The following R3HDM4 variants were observed in gnomAD, a reference collection of about 807,000 sequenced individuals.
The protein encoded by R3HDM4 is R3H domain-containing protein 4.
Under a neutral mutation model 31.3 loss-of-function variants are expected in R3HDM4, and 30 were observed. The ratio of observed to expected loss-of-function variants is 0.96; its 90% CI spans 0.72 to 1.30. The LOEUF (loss-of-function observed/expected upper bound fraction) is 1.30. Among genes scored for constraint, R3HDM4 ranks in the 50% most tolerant of loss-of-function variants. The pLI, the probability that R3HDM4 is intolerant of heterozygous loss-of-function variation, is 0.00. For missense variants in R3HDM4, 444 were observed against 366.1 expected (o/e 1.21, Z -1.74); for synonymous variants, 196 against 156.6 (o/e 1.25, Z -1.88).
intron 1 of R3HDM4, 79 bp from the exon 2 acceptor site, chr19:902,209 C>T: frequency 6.5e-7 from 1 of 1,537,966 alleles, no homozygotes; most frequent in Non-Finnish European, 8.9e-7. Context: ...CAGCCATGGC[C>T]CGCTTGGTTT....
chr19:899,826 T>TG lies in R3HDM4; in HGVS notation c.562-141dup, dbSNP rs2036801831. On this transcript the variant is annotated intron_variant, in intron 5 of 7. Coordinates refer to ENST00000361574, the MANE Select transcript of R3HDM4 (RefSeq NM_138774.4). The surrounding 1 kb of genome is among the most constrained non-coding windows in gnomAD (Gnocchi z 6.8). ...CCACGTGAGGCTGCTTAAGTGTCTC[T>TG]GAGGCCACCATGCCACCTCCTGCCT... 1.3e-6 allele frequency: 1 copy of TG among 778,222 alleles called. No individual in the cohort carries two copies. Among genetic ancestry groups the TG allele is most frequent in the Non-Finnish European group, 2.0e-6 (1 of 491,362 alleles). The allele number at this position is 778,222 out of a possible 1,614,324, so 48.2% of individuals were successfully genotyped here.
In R3HDM4 at chr19:899,329, TTCCCCACC is replaced by T; in HGVS notation, c.703+103_703+110del. The T allele has an allele frequency of 5.6e-6, 4 of 716,306 alleles. No individual in the cohort carries two copies. The highest frequency in any genetic ancestry group is 2.2e-5 in the Admixed American group (1 of 46,370). 44.4% of individuals were successfully genotyped at this position (716,306 alleles called of 1,614,324 possible). Reference sequence around the variant, plus strand: ...TCGTAGCGTCCCCACTCCAGCCCCCTTCCCCACCTCCCCACCAAGCCCCACTCTGAGGA... The same window carrying T: ...TCGTAGCGTCCCCACTCCAGCCCCCTTCCCCACCAAGCCCCACTCTGAGGA... On this transcript the variant is annotated intron_variant, in intron 7 of 7. Coordinates refer to ENST00000361574, the MANE Select transcript of R3HDM4 (RefSeq NM_138774.4). This position sits in a 1 kb window ranked among gnomAD's most constrained non-coding sequence, Gnocchi z 6.8.
chr19:903,795 C>A (rs544794681), intron 1 of R3HDM4, among the ~76,000 whole-genome samples: 6 of 151,770 alleles, frequency 4.0e-5, no homozygotes, highest in Admixed American at 2.0e-4. Flanking sequence ...TCACGCCTGT[C>A]ATCCCAGCAC....
At chr19:901,793 G>C (rs2036841079) in intron 2 of R3HDM4, 183 bp downstream of exon 2, 1 of 438,132 alleles carries the variant, frequency 2.3e-6, no homozygotes, top group African/African-American at 2.1e-5. Flanking sequence ...CCTGATCCAA[G>C]AGTCCAGGGG....
intron 1 of R3HDM4, among the ~76,000 whole-genome samples, chr19:910,931 C>G (rs537755131): frequency 1.2e-3 from 169 of 140,754 alleles, no homozygotes; most frequent in Non-Finnish European, 2.3e-3. Context: ...CATCCTGGCT[C>G]ACACGGCAAA....
chr19:905,505 CAA>C (rs71335321), intron 1 of R3HDM4, among the ~76,000 whole-genome samples: 54 of 101,024 alleles, frequency 5.3e-4, no homozygotes, highest in Non-Finnish European at 7.4e-4. Flanking sequence ...AACTCTGTCT[CAA>C]AAAAAAAAAA....
intron 1 of R3HDM4, among the ~76,000 whole-genome samples, chr19:908,763 C>T (rs891722970): frequency 2.6e-5 from 4 of 151,816 alleles, no homozygotes; most frequent in African/African-American, 9.7e-5. Context: ...GGAACGGCCC[C>T]GCCCCCCACC....
At position 905,505 on chromosome 19, in the gene R3HDM4, C is replaced by CA. The variant is rs71335321; in HGVS notation, c.72-3376dup. 9.2e-3 allele frequency among the ~76,000 whole-genome samples: 933 copies of CA among 100,876 alleles called. 5 individuals carry two copies. Among genetic ancestry groups the CA allele is most frequent in the African/African-American group, 0.025 (606 of 23,796 alleles). 66.2% of individuals were successfully genotyped at this position (100,876 alleles called of 152,430 possible). A position where few individuals can be genotyped will look rare whatever the true frequency, so the allele number is the denominator to read the frequency against. On this transcript the variant is annotated intron_variant, in intron 1 of 7. Transcript: ENST00000361574. ...GGGCAACAAGAGTGAAACTCTGTCTCAAAAAAAAAAAAAAAAACAAAACAA... is the reference window on the plus strand; with the variant it reads ...GGGCAACAAGAGTGAAACTCTGTCTCAAAAAAAAAAAAAAAAAACAAAACAA...
At chr19:909,414 C>T (rs531077708) in intron 1 of R3HDM4, among the ~76,000 whole-genome samples, 1 of 152,146 alleles carries the variant, frequency 6.6e-6, no homozygotes, top group East Asian at 1.9e-4. Context: ...CAGGACACAG[C>T]TGGCAGGTAA....
Position 901,446 on chromosome 19 carries a change from G to C in R3HDM4, c.327C>G (p.Ala109=), listed in dbSNP as rs1221010459. ...CCTCCACATAGGTGGCGTTGTTGCA[G>C]GCCTCGGCAAAGATGCCTGGTGATG... The part of the protein sequence containing the change: ...PPASPGIFAE[A]CNNATYVEVW... The change falls in exon 3 of 8, where the codon GCC becomes GCG. Residue 109 remains alanine (A), a synonymous_variant. Transcript: ENST00000361574. 11 of 1,608,340 alleles carry C rather than the reference G, an allele frequency of 6.8e-6. No individual in the cohort carries two copies. Among genetic ancestry groups the C allele is most frequent in the Non-Finnish European group, 9.3e-6 (11 of 1,179,552 alleles).
Position 898,093 on chromosome 19 carries a change from C to T in R3HDM4, c.704-553G>A, listed in dbSNP as rs561703665. The stretch of plus-strand genomic sequence containing the variant: ...GACCAGCCTGACCAACATGGTGAAA[C>T]CCTGTCTCTAGGGCTGGGCGCGGTG... On this transcript the variant is annotated intron_variant, in intron 7 of 7. Transcript: ENST00000361574. Among the ~76,000 whole-genome samples the T allele has an allele frequency of 2.1e-3, 312 of 152,028 alleles. 1 individual carries two copies. Among genetic ancestry groups the T allele is most frequent in the Admixed American group, 4.8e-3 (73 of 15,272 alleles).
Position 899,952 on chromosome 19 carries a change from C to T in R3HDM4, c.561+109G>A. The T allele has an allele frequency of 1.7e-6, 2 of 1,186,698 alleles. No individual in the cohort carries two copies. Among genetic ancestry groups the T allele is most frequent in the South Asian group, 1.3e-5 (1 of 75,916 alleles). The allele number at this position is 1,186,698 out of a possible 1,614,324, so 73.5% of individuals were successfully genotyped here. On this transcript the variant is annotated intron_variant, in intron 5 of 7. Transcript: ENST00000361574. This position sits in a 1 kb window ranked among gnomAD's most constrained non-coding sequence, Gnocchi z 6.8. ...CTGGTGCCGCTGTCTGTATCCTGCCCTGTTTCCCCTGACACGACCTGCACC... is the reference window on the plus strand; with the variant it reads ...CTGGTGCCGCTGTCTGTATCCTGCCTTGTTTCCCCTGACACGACCTGCACC...
chr19:903,739 CAA>C (rs2036867773), intron 1 of R3HDM4, among the ~76,000 whole-genome samples: 1 of 152,104 alleles, frequency 6.6e-6, no homozygotes, highest in Non-Finnish European at 1.5e-5. Flanking sequence ...GCCTGGACAA[CAA>C]GAGCAAGACC....
chr19:901,571 G>A, intron 2 of R3HDM4, 25 bp from the exon 3 acceptor site: 1 of 1,587,372 alleles, frequency 6.3e-7, no homozygotes, highest in East Asian at 2.3e-5. Context: ...ATGCTCTCTG[G>A]GCCGGGGTGG....
At position 900,956 on chromosome 19, in the gene R3HDM4, G is replaced by A. The variant is rs200378573; in HGVS notation, c.352-4C>T. 7,757 of 1,580,542 alleles carry A rather than the reference G, an allele frequency of 4.9e-3. 22 individuals carry two copies. The highest frequency in any genetic ancestry group is 6.6e-3 in the Middle Eastern group (37 of 5,574). On this transcript the variant is annotated splice_polypyrimidine_tract_variant and splice_region_variant and intron_variant, in intron 3 of 7. Coordinates refer to ENST00000361574, the MANE Select transcript of R3HDM4 (RefSeq NM_138774.4). Reference sequence around the variant, plus strand: ...GGTTCATGAAATCGTTCCAGACCTGGAAGAGAGGCAGGGAGGCAGGCTTGC... The same window carrying A: ...GGTTCATGAAATCGTTCCAGACCTGAAAGAGAGGCAGGGAGGCAGGCTTGC...
Position 899,393 on chromosome 19 carries a change from C to T in R3HDM4, c.703+47G>A. The T allele has an allele frequency of 6.2e-7, 1 of 1,603,642 alleles. No homozygotes were observed. Among genetic ancestry groups the T allele is most frequent in the Middle Eastern group, 1.7e-4 (1 of 6,026 alleles). ...GCCCCTGGGACCCTGGCCACTTTCC[C>T]AGGTTGAGCTGGCCAACTTGGGGTC... On this transcript the variant is annotated intron_variant, in intron 7 of 7. Coordinates refer to ENST00000361574, the MANE Select transcript of R3HDM4 (RefSeq NM_138774.4). This position sits in a 1 kb window ranked among gnomAD's most constrained non-coding sequence, Gnocchi z 6.8.
At position 899,289 on chromosome 19, in the gene R3HDM4, C is replaced by T. The variant is rs1227691411; in HGVS notation, c.703+151G>A. 3 of 769,242 alleles carry T rather than the reference C, an allele frequency of 3.9e-6. No homozygotes were observed. Among genetic ancestry groups the T allele is most frequent in the South Asian group, 1.7e-5 (1 of 60,322 alleles). The allele number at this position is 769,242 out of a possible 1,614,324, so 47.7% of individuals were successfully genotyped here. On this transcript the variant is annotated intron_variant, in intron 7 of 7. Transcript: ENST00000361574. This position sits in a 1 kb window ranked among gnomAD's most constrained non-coding sequence, Gnocchi z 6.8. ...CTGGTGAATTCAAGGCAGGGTCCCA[C>T]TGCCACCCCTGAGTTCGTAGCGTCC...
chr19:900,835 T>G lies in R3HDM4; in HGVS notation c.469A>C (p.Arg157=). Residue 157 remains arginine (R), a synonymous_variant, in exon 4 of 8, where the codon AGG becomes CGG. Coordinates refer to ENST00000361574, the MANE Select transcript of R3HDM4 (RefSeq NM_138774.4). Reference sequence around the variant, plus strand: ...GCCCCAGCCAGGCCCGCACCTCTCCTCCGGTCCTCCCCACGGCCAGGGCCC... The same window carrying G: ...GCCCCAGCCAGGCCCGCACCTCTCCGCCGGTCCTCCCCACGGCCAGGGCCC... ...RRGPGRGEDR[R]REDPAYTPRE... The G allele has an allele frequency of 7.9e-7, 1 of 1,266,708 alleles. No individual in the cohort carries two copies. The highest frequency in any genetic ancestry group is 1.1e-6 in the Non-Finnish European group (1 of 934,556). The allele number at this position is 1,266,708 out of a possible 1,614,324, so 78.5% of individuals were successfully genotyped here. A position where few individuals can be genotyped will look rare whatever the true frequency, so the allele number is the denominator to read the frequency against.
At position 902,136 on chromosome 19, in the gene R3HDM4, G is replaced by A. The variant is rs560818362; in HGVS notation, c.72-6C>T. On this transcript the variant is annotated splice_polypyrimidine_tract_variant and splice_region_variant and intron_variant, in intron 1 of 7. Transcript: ENST00000361574. ...GCAGGCAGCTGGGAAGGGGCCTGTG[G>A]GCCGGGGCAGGGGTGGTCCTCAGGG... is the stretch of plus-strand genomic sequence containing the variant. 76 of 1,612,070 alleles carry A rather than the reference G, an allele frequency of 4.7e-5. 1 individual carries two copies. In the South Asian group the frequency reaches 8.3e-4, roughly 18 times the overall value.
Sources: allele counts gnomAD v4.1 joint callset (sites outside exome capture counted in the v4.1 genomes callset), GRCh38; gene constraint gnomAD v4.1.1; non-coding constraint Gnocchi (gnomAD v3.1); transcripts MANE v1.5; gene names NCBI Gene and HGNC (gene_info 2026-07-23, HGNC 2026-07-21).